Variants in NFATC1 observed in about 807,000 individuals in gnomAD.
NFATC1 encodes the protein nuclear factor of activated T cells 1.
Under a neutral mutation model 76.0 loss-of-function variants are expected in NFATC1, and 22 were observed. The ratio of observed to expected loss-of-function variants is 0.29; its 90% CI spans 0.21 to 0.41. The LOEUF is 0.41. Ranked by LOEUF, NFATC1 falls within the 10% of genes least tolerant of loss-of-function variation. The pLI is 1.00. For missense variants in NFATC1, 1,357 were observed against 1,337.7 expected, an observed-to-expected ratio of 1.01 and a Z score of -0.23; for synonymous variants, 704 against 613.1, an observed-to-expected ratio of 1.15 and a Z score of -2.19.
chr18:79,527,297 C>T (rs2090793659), intron 9 of NFATC1: 6 of 508,380 alleles, frequency 1.2e-5, no homozygotes, highest in South Asian at 7.8e-5. Flanking sequence ...GTGCTGGTAC[C>T]GTGCTACGGA....
At chr18:79,406,797 CCA>C (rs1263171326) in intron 1 of NFATC1, among the ~76,000 whole-genome samples, 1 of 152,200 alleles carries the variant, frequency 6.6e-6, no homozygotes, top group Non-Finnish European at 1.5e-5. Flanking sequence ...TTCCTTCTGT[CCA>C]CCGTTGGACT....
chr18:79,480,066 G>A (rs951838580), intron 8 of NFATC1, among the ~76,000 whole-genome samples: 1 of 152,216 alleles, frequency 6.6e-6, no homozygotes, highest in Non-Finnish European at 1.5e-5. Context: ...TTCCAAGCAC[G>A]GTGACCACGT....
intron 1 of NFATC1, among the ~76,000 whole-genome samples, chr18:79,409,452 T>C (rs1311221329): frequency 1.3e-5 from 2 of 151,796 alleles, no homozygotes; most frequent in African/African-American, 4.8e-5. Flanking sequence ...CATCCATTCA[T>C]CCACCATTTA....
At chr18:79,499,044 A>T (rs1408231950) in intron 9 of NFATC1, among the ~76,000 whole-genome samples, 1 of 152,246 alleles carries the variant, frequency 6.6e-6, no homozygotes, top group Non-Finnish European at 1.5e-5. Flanking sequence ...GGTAAGAAGC[A>T]CTGGTGAGAG....
Position 79,486,024 on chromosome 18 carries a change from G to C in NFATC1, c.2093-224G>C, listed in dbSNP as rs560423575. On this transcript the variant is annotated intron_variant, in intron 8 of 9. Coordinates refer to ENST00000427363, the MANE Select transcript of NFATC1 (RefSeq NM_001278669.2). The stretch of plus-strand genomic sequence containing the variant: ...CTTTTATAGCACGTTAGTGCTGCAG[G>C]AGGTTCCAAGGAAAACAGTCCTCGC... Among the ~76,000 whole-genome samples the C allele has an allele frequency of 1.1e-4, 16 of 152,208 alleles. No individual in the cohort carries two copies. In the East Asian group the frequency reaches 3.1e-3, roughly 29 times the overall value.
At chr18:79,476,258 C>T (rs566059416) in intron 8 of NFATC1, among the ~76,000 whole-genome samples, 137 of 152,358 alleles carry the variant, frequency 9.0e-4, no homozygotes, top group African/African-American at 3.1e-3. Flanking sequence ...CGGGCGGCGT[C>T]GGCCATGCTG....
chr18:79,411,859 G>A (rs893028581), intron 2 of NFATC1, among the ~76,000 whole-genome samples: 14 of 152,342 alleles, frequency 9.2e-5, no homozygotes, highest in Middle Eastern at 3.4e-3. Flanking sequence ...TGGGAATTCC[G>A]GGAGACGCCA....
chr18:79,472,233 T>A (rs946751414), intron 8 of NFATC1, among the ~76,000 whole-genome samples: 2 of 152,136 alleles, frequency 1.3e-5, no homozygotes, highest in African/African-American at 4.8e-5. Context: ...GGGCTTTCTC[T>A]GCTGGCACTT....
intron 9 of NFATC1, among the ~76,000 whole-genome samples, chr18:79,495,252 C>T (rs565794173): frequency 2.0e-4 from 30 of 152,354 alleles, no homozygotes; most frequent in African/African-American, 5.3e-4. Flanking sequence ...GAGAGGTGCC[C>T]GCTCCTGTGA....
At chr18:79,484,528 G>A (rs571179797) in intron 8 of NFATC1, among the ~76,000 whole-genome samples, 5 of 152,140 alleles carry the variant, frequency 3.3e-5, no homozygotes, top group South Asian at 4.1e-4. Context: ...TTTAAACCTC[G>A]ATCTCCCCAC....
intron 9 of NFATC1, among the ~76,000 whole-genome samples, chr18:79,526,778 GC>G (rs2145252538): frequency 6.6e-6 from 1 of 152,358 alleles, no homozygotes; most frequent in South Asian, 2.1e-4. Context: ...CCAGGAAGCC[GC>G]CCTGAGACAG....
intron 9 of NFATC1, among the ~76,000 whole-genome samples, chr18:79,518,339 C>A (rs1482970198): frequency 6.6e-6 from 1 of 152,250 alleles, no homozygotes; most frequent in Non-Finnish European, 1.5e-5. Context: ...CCATGAACCC[C>A]AGAAACATGA....
Position 79,410,278 on chromosome 18 carries a change from G to A in NFATC1, c.128-125G>A. 4 of 1,466,866 alleles carry A rather than the reference G, an allele frequency of 2.7e-6. No homozygotes were observed. Among genetic ancestry groups the A allele is most frequent in the Non-Finnish European group, 3.7e-6 (4 of 1,095,686 alleles). 90.9% of individuals were successfully genotyped at this position (1,466,866 alleles called of 1,614,324 possible). ...CGGCAGCGTGGTCTCAGGGACGTTT[G>A]CTGAGGCCCGCTCCTTGGGGTCCGT... On this transcript the variant is annotated intron_variant, in intron 1 of 9. Transcript: ENST00000427363. This position sits in a 1 kb window ranked among gnomAD's most constrained non-coding sequence, Gnocchi z 6.7.
chr18:79,411,045 C>G lies in NFATC1; in HGVS notation c.770C>G (p.Ser257Cys), dbSNP rs752233957. The G allele has an allele frequency of 5.0e-6, 8 of 1,611,974 alleles. No homozygotes were observed. In the South Asian group the frequency reaches 8.8e-5, roughly 18 times the overall value. Residue 257 changes from serine to cysteine, a missense_variant, in exon 2 of 10, where the codon TCC becomes TGC. Transcript: ENST00000427363. ...GAGAGCTGGCTGGGTGCCCGCTCCTCCAGACCCGCGTCCCCTTGCAACAAG... is the reference window on the plus strand; with the variant it reads ...GAGAGCTGGCTGGGTGCCCGCTCCTGCAGACCCGCGTCCCCTTGCAACAAG... The part of the protein sequence containing the change: ...TEESWLGARS[S>C]RPASPCNKRK...
At position 79,410,760 on chromosome 18, in the gene NFATC1, T is replaced by C. The variant is rs1463299910; in HGVS notation, c.485T>C (p.Leu162Pro). The C allele has an allele frequency of 3.1e-6, 5 of 1,612,848 alleles. No homozygotes were observed. The highest frequency in any genetic ancestry group is 4.2e-6 in the Non-Finnish European group (5 of 1,179,998). The change falls in exon 2 of 10, where the codon CTG (leucine) becomes CCG (proline). Residue 162 changes from leucine (L) to proline (P), a missense_variant. By Grantham distance (98) the Leu-to-Pro change is moderately conservative (BLOSUM62 -3). This residue lies in a region of NFATC1 where 691 missense variants were observed against 613.1 expected (regional missense o/e 1.13). Transcript: ENST00000427363. The surrounding 1 kb of genome is among the most constrained non-coding windows in gnomAD (Gnocchi z 6.7). ...PSTATLSLPS[L>P]EAYRDPSCLS... ...ACGGCCACGCTGAGTCTGCCCAGCC[T>C]GGAGGCCTACAGAGACCCCTCGTGC...
chr18:79,502,490 A>G (rs1328155111), intron 9 of NFATC1, among the ~76,000 whole-genome samples: 1 of 152,228 alleles, frequency 6.6e-6, no homozygotes, highest in African/African-American at 2.4e-5. Flanking sequence ...CCTCACCAAA[A>G]TTTAAAATTT....
intron 2 of NFATC1, chr18:79,421,266 G>A (rs2148242512): frequency 6.6e-6 from 1 of 152,464 alleles, no homozygotes; most frequent in Non-Finnish European, 1.5e-5. Flanking sequence ...CCTCTGCACA[G>A]GCCACTGTTC....
intron 9 of NFATC1, among the ~76,000 whole-genome samples, chr18:79,520,970 G>GGGA (rs2090533899): frequency 2.9e-5 from 3 of 104,666 alleles, no homozygotes; most frequent in Non-Finnish European, 5.8e-5. Flanking sequence ...TGTGTGGGGG[G>GGGA]GCATCCGCTG....
intron 4 of NFATC1, 99 bp from the exon 5 acceptor site, chr18:79,450,855 C>G: frequency 1.4e-6 from 2 of 1,454,560 alleles, no homozygotes. Context: ...GGCACGAGCT[C>G]GTGGGGCTGG....
Sources: gnomAD v4.1 joint callset for allele counts (sites outside exome capture counted in the v4.1 genomes callset) on GRCh38, gnomAD v4.1.1 for gene constraint, gnomAD v4.1.1 regional missense constraint, Gnocchi (gnomAD v3.1) non-coding constraint, MANE v1.5 for transcripts, NCBI Gene and HGNC (gene_info 2026-07-23, HGNC 2026-07-21) for gene names.